RBPJL: variants seen among roughly 807,000 people sequenced by gnomAD.
The protein encoded by RBPJL is recombining binding protein suppressor of hairless-like protein.
In RBPJL, 50 loss-of-function variants were observed where a neutral mutation model predicts 57.6. The ratio of observed to expected loss-of-function variants is 0.87; its 90% CI spans 0.69 to 1.10. RBPJL has a LOEUF of 1.10. RBPJL is among the 50% of genes least tolerant of loss of function. The pLI is 0.00. For missense variants in RBPJL, 684 were observed against 693.7 expected (o/e 0.99, Z 0.16); for synonymous variants, 303 against 294.4 (o/e 1.03, Z -0.30).
chr20:45,314,475 G>A lies in RBPJL; in HGVS notation c.930G>A (p.Leu310=). The change falls in exon 9 of 12, where the codon CTG becomes CTA. Residue 310 remains leucine, a synonymous_variant. Transcript: ENST00000343694. ...ATGTGGATGAGCCCATCTCCCAGCT[G>A]CACAAGTGTGCATTCCAGTTTCCAG... is the stretch of plus-strand genomic sequence containing the variant. ...LLDVDEPISQ[L]HKCAFQFPGS... is the part of the protein sequence containing the mutation. 3.7e-6 allele frequency: 6 copies of A among 1,614,180 alleles called. No homozygotes were observed. The highest frequency in any genetic ancestry group is 1.1e-5 in the South Asian group (1 of 91,082).
In RBPJL at chr20:45,312,253, A is replaced by T. The variant is rs534640530; in HGVS notation, c.477A>T (p.Ser159=). The change falls in exon 6 of 12, where the codon TCA becomes TCT. Residue 159 remains serine (S), a synonymous_variant. Coordinates refer to ENST00000343694, the MANE Select transcript of RBPJL (RefSeq NM_014276.4). ...EFGCAKTLYI[S]DADKRKHFRL... is the part of the protein sequence containing the mutation. Reference sequence around the variant, plus strand: ...GCTGCGCCAAGACCCTGTACATCTCAGATGCAGACAAGAGGAAGCACTTTC... The same window carrying T: ...GCTGCGCCAAGACCCTGTACATCTCTGATGCAGACAAGAGGAAGCACTTTC... The T allele has an allele frequency of 6.2e-7, 1 of 1,614,254 alleles. No individual in the cohort carries two copies. The highest frequency in any genetic ancestry group is 1.3e-5 in the African/African-American group (1 of 75,068).
In RBPJL at chr20:45,313,512, C is replaced by T. The variant is rs775092652; in HGVS notation, c.664C>T (p.Arg222Cys). 2.4e-5 allele frequency: 38 copies of T among 1,613,862 alleles called. No individual in the cohort carries two copies. The highest frequency in any genetic ancestry group is 4.0e-5 in the African/African-American group (3 of 74,912). ...GSKVSLFNRL[R>C]SQTVSTRYLS... Reference sequence around the variant, plus strand: ...AAAGGTCTCCCTCTTCAACCGCCTGCGCTCTCAGACGGTCTCCACACGCTA... The same window carrying T: ...AAAGGTCTCCCTCTTCAACCGCCTGTGCTCTCAGACGGTCTCCACACGCTA... Residue 222 changes from arginine to cysteine, a missense_variant, in exon 7 of 12, where the codon CGC becomes TGC. Arg to Cys is a radical substitution (Grantham distance 180). Transcript: ENST00000343694.
At position 45,316,575 on chromosome 20, in the gene RBPJL, G is replaced by A. The variant is rs1025713408; in HGVS notation, c.1275G>A (p.Met425Ile). The change falls in exon 11 of 12, where the codon ATG becomes ATA. Residue 425 changes from methionine (M) to isoleucine (I), a missense_variant. Physicochemically the swap from Met to Ile is conservative, Grantham distance 10 (BLOSUM62 1). Transcript: ENST00000343694. ...TTGGGGACGTGGAGGCAGAAACCAT[G>A]TACAGGTACGGGGTGGTGAGGCAGC... is the stretch of plus-strand genomic sequence containing the variant. ...VWFGDVEAET[M>I]YRSPRSLVCV... 41 of 1,532,528 alleles carry A rather than the reference G, an allele frequency of 2.7e-5. No homozygotes were observed. Among genetic ancestry groups the A allele is most frequent in the Non-Finnish European group, 3.1e-5 (35 of 1,139,854 alleles). The allele number at this position is 1,532,528 out of a possible 1,614,324, so 94.9% of individuals were successfully genotyped here.
At chr20:45,311,171 GAAAA>G (rs1268078527) in intron 3 of RBPJL, among the ~76,000 whole-genome samples, 2 of 149,114 alleles carry the variant, frequency 1.3e-5, no homozygotes, top group African/African-American at 2.5e-5. Flanking sequence ...AGGAATGAAA[GAAAA>G]AAAGAAAGAA....
Position 45,317,347 on chromosome 20 carries a change from A to C in RBPJL, c.*388A>C. On this transcript the variant is annotated 3_prime_UTR_variant, in exon 12 of 12. Transcript: ENST00000343694. ...CCCTGCCTCTCACACACAATTTTAC[A>C]TGCCCCGAGGAGCCAAGTTTGGGAC... The C allele has an allele frequency of 3.4e-5, 7 of 204,000 alleles. No homozygotes were observed. Among genetic ancestry groups the C allele is most frequent in the Non-Finnish European group, 4.9e-5 (5 of 102,812 alleles). The allele number at this position is 204,000 out of a possible 1,614,324, so 12.6% of individuals were successfully genotyped here.
rs534814616 is a variant in RBPJL, at chr20:45,317,104, T to G, written c.*145T>G. ...GGCTCACCCTAGAAACCGGGCCTGGTGGGTCTTACCCGGCTCACTCCCTCC... is the reference window on the plus strand; with the variant it reads ...GGCTCACCCTAGAAACCGGGCCTGGGGGGTCTTACCCGGCTCACTCCCTCC... On this transcript the variant is annotated 3_prime_UTR_variant, in exon 12 of 12. Transcript: ENST00000343694. 163 of 990,354 alleles carry G rather than the reference T, an allele frequency of 1.6e-4. 1 individual carries two copies. The African/African-American group carries it at 1.7e-3, about 10-fold the overall frequency. 61.3% of individuals were successfully genotyped at this position (990,354 alleles called of 1,614,324 possible).
chr20:45,312,656 C>T (rs1568891973), intron 6 of RBPJL, among the ~76,000 whole-genome samples: 2 of 151,976 alleles, frequency 1.3e-5, no homozygotes, highest in African/African-American at 4.8e-5. Context: ...CCAGAGCAGA[C>T]AAAAGTTGAA....
At chr20:45,313,155 T>A (rs1359148168) in intron 6 of RBPJL, among the ~76,000 whole-genome samples, 1 of 152,138 alleles carries the variant, frequency 6.6e-6, no homozygotes, top group Non-Finnish European at 1.5e-5. Flanking sequence ...TCTAGGCCTG[T>A]GGGCACATTA....
In RBPJL at chr20:45,312,164, G is replaced by T; in HGVS notation, c.445-57G>T. ...GACGTCCGATATCTGGGAGAGGTTG[G>T]TTCATCCGACGGGGGAGGGCTGGGA... On this transcript the variant is annotated intron_variant, in intron 5 of 11. Transcript: ENST00000343694. 1.1e-5 allele frequency: 18 copies of T among 1,611,110 alleles called. 1 individual carries two copies. In the South Asian group the frequency reaches 2.0e-4, roughly 18 times the overall value.
chr20:45,316,653 G>T (rs61739390), intron 11 of RBPJL, 33 bp from the exon 12 acceptor site: 3 of 1,541,340 alleles, frequency 1.9e-6, no homozygotes, highest in Non-Finnish European at 2.6e-6. Flanking sequence ...CGTCGGAGTC[G>T]CCGCAGCCCT....
intron 4 of RBPJL, 64 bp downstream of exon 4, chr20:45,311,723 G>T (rs1475397033): frequency 1.5e-5 from 24 of 1,588,068 alleles, no homozygotes; most frequent in Admixed American, 1.7e-5. Context: ...GATTGGGCCC[G>T]AGACGGGGCG....
At chr20:45,313,901 G>T in intron 7 of RBPJL, 134 bp from the exon 8 acceptor site, 2 of 732,628 alleles carry the variant, frequency 2.7e-6, no homozygotes, top group South Asian at 3.4e-5. Context: ...CCTTCAGTTG[G>T]CTCCCCTGAG....
At chr20:45,309,748 C>T in intron 3 of RBPJL, 56 bp downstream of exon 3, 1 of 1,601,134 alleles carries the variant, frequency 6.2e-7, no homozygotes, top group Non-Finnish European at 8.5e-7. Flanking sequence ...CTATGCACCT[C>T]CTCCATCCAC....
Position 45,316,362 on chromosome 20 carries a change from G to C in RBPJL, c.1176+20G>C, listed in dbSNP as rs374648048. The C allele has an allele frequency of 3.1e-6, 5 of 1,612,830 alleles. No homozygotes were observed. The highest frequency in any genetic ancestry group is 4.2e-6 in the Non-Finnish European group (5 of 1,179,248). On this transcript the variant is annotated intron_variant, in intron 10 of 11. Coordinates refer to ENST00000343694, the MANE Select transcript of RBPJL (RefSeq NM_014276.4). ...CTAGAGGTGAAGCCGGGCGCTAGGG[G>C]CGTTGGGCAGGGGGACCCTGCCTGC...
Position 45,311,851 on chromosome 20 carries a change from G to C in RBPJL, c.341G>C (p.Gly114Ala), listed in dbSNP as rs758291471. The change falls in exon 5 of 12, where the codon GGG becomes GCG. Residue 114 changes from glycine to alanine, a missense_variant. By Grantham distance (60) the Gly-to-Ala change is moderately conservative. Coordinates refer to ENST00000343694, the MANE Select transcript of RBPJL (RefSeq NM_014276.4). Reference sequence around the variant, plus strand: ...CGTCCCTTTCCAGCTCACCAGGCGGGGGAAACGGGGCCCACGGTCTGCGGT... The same window carrying C: ...CGTCCCTTTCCAGCTCACCAGGCGGCGGAAACGGGGCCCACGGTCTGCGGT... ...KPGQDQAHQAGETGPTVCGYM... is the reference protein window; with the variant it reads ...KPGQDQAHQAAETGPTVCGYM... 6.4e-7 allele frequency: 1 copy of C among 1,551,786 alleles called. No homozygotes were observed. Among genetic ancestry groups the C allele is most frequent in the South Asian group, 1.2e-5 (1 of 84,128 alleles).
rs1416517574 is a variant in RBPJL, at chr20:45,312,392, G to T, written c.616G>T (p.Asp206Tyr). 3.7e-6 allele frequency: 6 copies of T among 1,613,036 alleles called. No individual in the cohort carries two copies. In the African/African-American group the frequency reaches 6.7e-5, roughly 18 times the overall value. ...GAAGAAGCAGTCGCTGAAAAACACC[G>T]ATCGTGAGCAGGGCGGGGCCTGACC... ...SQKKQSLKNT[D>Y]LCISSGSKVS... Residue 206 changes from aspartate (D) to tyrosine (Y), a missense_variant, in exon 6 of 12, where the codon GAT becomes TAT. Physicochemically the swap from Asp to Tyr is radical, Grantham distance 160 (BLOSUM62 -3). Coordinates refer to ENST00000343694, the MANE Select transcript of RBPJL (RefSeq NM_014276.4).
chr20:45,309,733 C>T, intron 3 of RBPJL, 41 bp downstream of exon 3: 1 of 1,608,852 alleles, frequency 6.2e-7, no homozygotes, highest in Non-Finnish European at 8.5e-7. Flanking sequence ...CTGCAACTGT[C>T]AGCCCTATGC....
intron 9 of RBPJL, 82 bp downstream of exon 9, chr20:45,314,647 A>AC: frequency 9.4e-6 from 13 of 1,384,994 alleles, no homozygotes; most frequent in Non-Finnish European, 1.2e-5. Flanking sequence ...CATCACCCTC[A>AC]CCATGGTTGC....
chr20:45,306,947 G>A lies in RBPJL; in HGVS notation c.22+3G>A, dbSNP rs370403968. ...CATGGACCCCGCAGGGGCAGCAGGT[G>A]AGCGCTTACCCTCCCGAGGCCCCGG... On this transcript the variant is annotated splice_donor_region_variant and intron_variant, in intron 1 of 11. Coordinates refer to ENST00000343694, the MANE Select transcript of RBPJL (RefSeq NM_014276.4). The A allele has an allele frequency of 6.9e-5, 87 of 1,254,892 alleles. 1 individual carries two copies. In the Middle Eastern group the frequency reaches 4.3e-3, roughly 62 times the overall value. 77.7% of individuals were successfully genotyped at this position (1,254,892 alleles called of 1,614,324 possible).
Sources: gnomAD v4.1 joint callset for allele counts (sites outside exome capture counted in the v4.1 genomes callset) on GRCh38, gnomAD v4.1.1 for gene constraint, MANE v1.5 for transcripts, NCBI Gene and HGNC (gene_info 2026-07-23, HGNC 2026-07-21) for gene names.